The following PCDHA3 variants were observed in gnomAD, a reference collection of about 807,000 sequenced individuals.
PCDHA3 encodes the protein protocadherin alpha 3.
A neutral mutation model predicts 62.2 loss-of-function variants in PCDHA3; 41 were observed. The observed-to-expected ratio is 0.66, with a 90% CI of 0.51 to 0.86. The LOEUF (loss-of-function observed/expected upper bound fraction) is 0.86. Among genes scored for constraint, PCDHA3 ranks in the 40% least tolerant of loss-of-function variants. The probability of loss-of-function intolerance (pLI) is 0.00; values close to 1 mark genes in which losing one functional copy is unlikely to be tolerated. For synonymous variants in PCDHA3, 640 were observed against 555.4 expected, an observed-to-expected ratio of 1.15 and a Z score of -2.14; for missense variants, 1,304 against 1,241.2, an observed-to-expected ratio of 1.05 and a Z score of -0.76.
intron 1 of PCDHA3, chr5:140,928,687 C>A (rs782599747): frequency 6.2e-7 from 1 of 1,614,142 alleles, no homozygotes. Context: ...GCTTTCCTAC[C>A]ACATCTCCCG....
In PCDHA3 at chr5:140,842,865, G is replaced by C; in HGVS notation, c.2394+39274G>C. ...TACATTTCGGTGCACACGGAGAGCG[G>C]CAAGGTGTACGCGCTGCAGCCGCTG... is the stretch of plus-strand genomic sequence containing the variant. On this transcript the variant is annotated intron_variant, in intron 1 of 3. Transcript: ENST00000522353. 6.3e-6 allele frequency: 10 copies of C among 1,593,986 alleles called. 1 individual carries two copies. Among genetic ancestry groups the C allele is most frequent in the Middle Eastern group, 2.1e-4 (1 of 4,754 alleles).
intron 1 of PCDHA3, chr5:140,875,865 G>A (rs782211791): frequency 6.2e-7 from 1 of 1,614,160 alleles, no homozygotes; most frequent in Non-Finnish European, 8.5e-7. Context: ...ACAACCCGCC[G>A]GTGTTCAGAG....
At chr5:140,862,745 A>G (rs1403297614) in intron 1 of PCDHA3, 1 of 578,200 alleles carries the variant, frequency 1.7e-6, no homozygotes, top group Non-Finnish European at 3.3e-6. Context: ...GTGTGGGTGC[A>G]CGCGGAGAGC....
rs185756096 is a variant in PCDHA3, at chr5:140,914,471, T to C, written c.2395-64478T>C. On this transcript the variant is annotated intron_variant, in intron 1 of 3. Coordinates refer to ENST00000522353, the MANE Select transcript of PCDHA3 (RefSeq NM_018906.3). The stretch of plus-strand genomic sequence containing the variant: ...ATTTTCCAGTCTATGTGTATCTTCA[T>C]AGGTGAAGTGTTTCTTGTGGGCAAC... Among the ~76,000 whole-genome samples the C allele has an allele frequency of 2.9e-3, 442 of 152,310 alleles. 1 individual carries two copies. Among genetic ancestry groups the C allele is most frequent in the African/African-American group, 0.01 (423 of 41,574 alleles).
chr5:140,846,564 C>T (rs2150392370), intron 1 of PCDHA3, among the ~76,000 whole-genome samples: 5 of 147,896 alleles, frequency 3.4e-5, no homozygotes, highest in African/African-American at 5.0e-5. Context: ...TTAGTAGAGT[C>T]GGGGTTTCAC....
At position 140,802,564 on chromosome 5, in the gene PCDHA3, C is replaced by T. The variant is rs868939985; in HGVS notation, c.1367C>T (p.Ser456Leu). The change falls in exon 1 of 4, where the codon TCG (serine) becomes TTG (leucine). Residue 456 changes from serine (S) to leucine (L), a missense_variant. Coordinates refer to ENST00000522353, the MANE Select transcript of PCDHA3 (RefSeq NM_018906.3). ...ADVNDNAPAFSQSEYTVFVKE... is the reference protein window; with the variant it reads ...ADVNDNAPAFLQSEYTVFVKE... Reference sequence around the variant, plus strand: ...GTGAACGACAATGCGCCGGCATTCTCGCAGTCCGAGTACACGGTGTTCGTG... The same window carrying T: ...GTGAACGACAATGCGCCGGCATTCTTGCAGTCCGAGTACACGGTGTTCGTG... 1 of 1,613,396 alleles carries T rather than the reference C, an allele frequency of 6.2e-7. No homozygotes were observed. Among genetic ancestry groups the T allele is most frequent in the Non-Finnish European group, 8.5e-7 (1 of 1,179,868 alleles).
chr5:140,880,646 C>A (rs782457852), intron 1 of PCDHA3, among the ~76,000 whole-genome samples: 1 of 152,060 alleles, frequency 6.6e-6, no homozygotes, highest in Non-Finnish European at 1.5e-5. Context: ...ACTTGAGAGC[C>A]CAACTGAGGT....
At chr5:140,805,006 C>A in intron 1 of PCDHA3, 1 of 1,539,008 alleles carries the variant, frequency 6.5e-7, no homozygotes, top group Non-Finnish European at 8.7e-7. Flanking sequence ...AAATTTAGTT[C>A]TGTTATCAGC....
intron 1 of PCDHA3, chr5:140,928,443 G>A: frequency 6.2e-7 from 1 of 1,614,184 alleles, no homozygotes. Context: ...ACTTTGAGCA[G>A]CTCAGGGGGT....
intron 1 of PCDHA3, chr5:140,842,263 C>T: frequency 6.2e-7 from 1 of 1,611,084 alleles, no homozygotes; most frequent in Non-Finnish European, 8.5e-7. Context: ...AACAAGAAAA[C>T]TTATACAAAA....
chr5:140,848,754 A>T, intron 1 of PCDHA3: 1 of 1,593,142 alleles, frequency 6.3e-7, no homozygotes, highest in Non-Finnish European at 8.6e-7. Context: ...TTTGTTTGTG[A>T]ATTCTCGGAT....
At position 140,836,167 on chromosome 5, in the gene PCDHA3, G is replaced by T. The variant is rs2150254555; in HGVS notation, c.2394+32576G>T. 3.1e-6 allele frequency: 5 copies of T among 1,613,848 alleles called. No homozygotes were observed. Among genetic ancestry groups the T allele is most frequent in the Non-Finnish European group, 4.2e-6 (5 of 1,179,798 alleles). ...GCGGGCCATGTGGTGGCGAAGGTAC[G>T]TGCAGTTGACGCTGACTCAGGCTAC... On this transcript the variant is annotated intron_variant, in intron 1 of 3. Coordinates refer to ENST00000522353, the MANE Select transcript of PCDHA3 (RefSeq NM_018906.3).
In PCDHA3 at chr5:140,870,962, C is replaced by A. The variant is rs1489353896; in HGVS notation, c.2394+67371C>A. 7 of 1,613,532 alleles carry A rather than the reference C, an allele frequency of 4.3e-6. No individual in the cohort carries two copies. In the Admixed American group the frequency reaches 1.2e-4, roughly 27 times the overall value. On this transcript the variant is annotated intron_variant, in intron 1 of 3. Transcript: ENST00000522353. Reference sequence around the variant, plus strand: ...CCGGCGGCGGGCGGCTCGCGCATCCCGTTCCGCGTGGGGCTGTACACGGGC... The same window carrying A: ...CCGGCGGCGGGCGGCTCGCGCATCCAGTTCCGCGTGGGGCTGTACACGGGC...
Position 140,982,524 on chromosome 5 carries a change from C to T in PCDHA3, c.2503C>T (p.Pro835Ser). ...CATTCTACGGGCTGGTCCAGGAGGG[C>T]CTGATCAGCAGTGGCCAACAGTATC... ...AGILRAGPGG[P>S]DQQWPTVSSA... Residue 835 changes from proline to serine, a missense_variant, in exon 3 of 4, where the codon CCT (proline) becomes TCT (serine). Transcript: ENST00000522353. The T allele has an allele frequency of 6.2e-7, 1 of 1,614,170 alleles. No homozygotes were observed. Among genetic ancestry groups the T allele is most frequent in the Non-Finnish European group, 8.5e-7 (1 of 1,180,030 alleles).
intron 1 of PCDHA3, among the ~76,000 whole-genome samples, chr5:140,962,524 G>T (rs1410879766): frequency 6.6e-6 from 1 of 152,012 alleles, no homozygotes; most frequent in Non-Finnish European, 1.5e-5. Flanking sequence ...TAATATATTA[G>T]TTTTTTAGAA....
At chr5:140,824,245 C>T in intron 1 of PCDHA3, 1 of 1,462,164 alleles carries the variant, frequency 6.8e-7, no homozygotes, top group Admixed American at 1.7e-5. Flanking sequence ...TATTGTGGTA[C>T]ACAATTATTG....
chr5:140,902,203 CTTT>C lies in PCDHA3; in HGVS notation c.2395-76730_2395-76728del, dbSNP rs148688132. ...TTATGTCTTCTCTCTCTCTCTCTTT[CTTT>C]TTTTTTTTTTTTTTTGAGATGAGGA... On this transcript the variant is annotated intron_variant, in intron 1 of 3. Coordinates refer to ENST00000522353, the MANE Select transcript of PCDHA3 (RefSeq NM_018906.3). Among the ~76,000 whole-genome samples, 328 of 124,424 alleles carry C rather than the reference CTTT, an allele frequency of 2.6e-3. 2 individuals are homozygous for C. Among genetic ancestry groups the C allele is most frequent in the Middle Eastern group, 0.017 (4 of 242 alleles). 81.6% of individuals were successfully genotyped at this position (124,424 alleles called of 152,430 possible).
intron 1 of PCDHA3, chr5:140,834,485 G>A (rs2150219471): frequency 1.2e-6 from 2 of 1,614,120 alleles, no homozygotes. Context: ...TCCACTACTC[G>A]GTCCCCGAGG....
chr5:140,858,024 C>A lies in PCDHA3; in HGVS notation c.2394+54433C>A, dbSNP rs782656168. On this transcript the variant is annotated intron_variant, in intron 1 of 3. Transcript: ENST00000522353. ...AAGGACCATGGCGAGCCGTCGCTGACGGCCACGGCCACTGTGCTTGTGTCG... is the reference window on the plus strand; with the variant it reads ...AAGGACCATGGCGAGCCGTCGCTGAAGGCCACGGCCACTGTGCTTGTGTCG... 1 of 1,596,584 alleles carries A rather than the reference C, an allele frequency of 6.3e-7. No individual in the cohort carries two copies. Among genetic ancestry groups the A allele is most frequent in the East Asian group, 2.2e-5 (1 of 44,824 alleles).
Sources: gnomAD v4.1 joint callset for allele counts (sites outside exome capture counted in the v4.1 genomes callset) on GRCh38, gnomAD v4.1.1 for gene constraint, MANE v1.5 for transcripts, NCBI Gene and HGNC (gene_info 2026-07-23, HGNC 2026-07-21) for gene names.